STXBP4: variants seen among roughly 807,000 people sequenced by gnomAD.
STXBP4 encodes the protein syntaxin-binding protein 4.
Under a neutral mutation model 76.1 loss-of-function variants are expected in STXBP4, and 55 were observed. That is an observed-to-expected ratio of 0.72 (90% CI 0.58 to 0.91). The LOEUF (loss-of-function observed/expected upper bound fraction) is 0.91. Ranked by LOEUF, STXBP4 falls within the 40% of genes least tolerant of loss-of-function variation. The pLI is 0.00. For synonymous variants in STXBP4, 201 were observed against 220.2 expected (o/e 0.91, Z 0.77); for missense variants, 618 against 636.9 (o/e 0.97, Z 0.32).
At chr17:55,149,694 G>A (rs549279558) in intron 17 of STXBP4, among the ~76,000 whole-genome samples, 12 of 152,268 alleles carry the variant, frequency 7.9e-5, no homozygotes, top group African/African-American at 2.6e-4. Context: ...GCCACTCTCT[G>A]GCCAGTCAAA....
rs1166824089 is a variant in STXBP4, at chr17:55,165,091, C to T, written c.*5180C>T. The T allele has an allele frequency of 2.0e-5, 3 of 152,116 alleles. No homozygotes were observed. The highest frequency in any genetic ancestry group is 4.4e-5 in the Non-Finnish European group (3 of 68,018). 9.4% of individuals were successfully genotyped at this position (152,116 alleles called of 1,614,324 possible). A position where few individuals can be genotyped will look rare whatever the true frequency, so the allele number is the denominator to read the frequency against. ...CTACTGGACCATTTAATGTTCATTA[C>T]GTTAACAAAGAGTGTGATATCAGAA... On this transcript the variant is annotated 3_prime_UTR_variant, in exon 18 of 18. Transcript: ENST00000376352.
chr17:55,019,576 G>C (rs982179994), intron 8 of STXBP4, among the ~76,000 whole-genome samples: 2 of 151,974 alleles, frequency 1.3e-5, no homozygotes, highest in African/African-American at 4.8e-5. Flanking sequence ...TTATAATCTT[G>C]TAGCCAATGA....
At chr17:55,179,214 G>T in the STXBP4 span, among the ~76,000 whole-genome samples, 1 of 152,038 alleles carries the variant, frequency 6.6e-6, no homozygotes, top group Non-Finnish European at 1.5e-5. Flanking sequence ...CATGGCAAGA[G>T]TTACTACCAC....
the STXBP4 span, among the ~76,000 whole-genome samples, chr17:55,197,382 A>G: frequency 6.6e-6 from 1 of 152,138 alleles, no homozygotes; most frequent in Non-Finnish European, 1.5e-5. Flanking sequence ...CACATTGGGA[A>G]CCAAGCCACC....
In STXBP4 at chr17:55,165,244, G is replaced by T. The variant is rs888052202; in HGVS notation, c.*5333G>T. 3 of 152,206 alleles carry T rather than the reference G, an allele frequency of 2.0e-5. No homozygotes were observed. The highest frequency in any genetic ancestry group is 4.4e-5 in the Non-Finnish European group (3 of 68,036). The allele number at this position is 152,206 out of a possible 1,614,324, so 9.4% of individuals were successfully genotyped here. ...GGAAGATGAGGCTTTCTTACTCACT[G>T]TCTAGGAAATAATTCTCCTGGCTGT... On this transcript the variant is annotated 3_prime_UTR_variant, in exon 18 of 18. Coordinates refer to ENST00000376352, the MANE Select transcript of STXBP4 (RefSeq NM_178509.6).
At chr17:55,105,602 T>G (rs2079624431) in intron 16 of STXBP4, among the ~76,000 whole-genome samples, 1 of 151,690 alleles carries the variant, frequency 6.6e-6, no homozygotes, top group South Asian at 2.1e-4. Context: ...CCCAAGTAGC[T>G]GGGACGACAG....
intron 16 of STXBP4, among the ~76,000 whole-genome samples, chr17:55,094,476 T>C (rs961724178): frequency 1.3e-5 from 2 of 152,172 alleles, no homozygotes; most frequent in African/African-American, 4.8e-5. Context: ...TGGGCTCAGT[T>C]TGAAGTAACA....
intron 8 of STXBP4, among the ~76,000 whole-genome samples, chr17:55,028,516 A>G (rs574437037): frequency 1.2e-3 from 179 of 152,268 alleles, no homozygotes; most frequent in African/African-American, 3.8e-3. Flanking sequence ...TAATATGGCA[A>G]TTGTCTTCAG....
chr17:55,183,955 G>C, the STXBP4 span, among the ~76,000 whole-genome samples: 1 of 152,018 alleles, frequency 6.6e-6, no homozygotes, highest in Non-Finnish European at 1.5e-5. Context: ...ATCAGAAAAA[G>C]TTATGGACAA....
intron 8 of STXBP4, among the ~76,000 whole-genome samples, chr17:55,025,990 T>G (rs1003371708): frequency 2.0e-5 from 3 of 152,064 alleles, no homozygotes; most frequent in Non-Finnish European, 4.4e-5. Context: ...ACACTAACAA[T>G]GCACAGTGGA....
intron 4 of STXBP4, chr17:54,991,227 A>G (rs2077712531): frequency 5.2e-6 from 1 of 190,954 alleles, no homozygotes; most frequent in Non-Finnish European, 1.1e-5. Flanking sequence ...TTTATCCTGT[A>G]TCTGATTGAG....
chr17:55,136,893 ACT>A (rs1329006282), intron 16 of STXBP4, among the ~76,000 whole-genome samples: 1 of 151,988 alleles, frequency 6.6e-6, no homozygotes, highest in Non-Finnish European at 1.5e-5. Context: ...CATCCAAAAT[ACT>A]CTAAAATCAC....
At chr17:55,095,563 T>A (rs983808229) in intron 16 of STXBP4, among the ~76,000 whole-genome samples, 29 of 152,340 alleles carry the variant, frequency 1.9e-4, no homozygotes, top group African/African-American at 6.5e-4. Flanking sequence ...GATAAAATAG[T>A]TCAATTCAGA....
At chr17:55,179,315 G>A in the STXBP4 span, among the ~76,000 whole-genome samples, 7 of 150,298 alleles carry the variant, frequency 4.7e-5, no homozygotes, top group Non-Finnish European at 8.9e-5. Context: ...CTAGAGCATG[G>A]AAAAAAAAAT....
downstream of STXBP4, among the ~76,000 whole-genome samples, chr17:55,175,488 G>A (rs550619285): frequency 6.6e-6 from 1 of 152,304 alleles, no homozygotes; most frequent in African/African-American, 2.4e-5. Flanking sequence ...ACTGCACCAA[G>A]CAGAGGAGTT....
intron 13 of STXBP4, among the ~76,000 whole-genome samples, chr17:55,077,199 G>A (rs575679947): frequency 1.3e-5 from 2 of 151,990 alleles, no homozygotes; most frequent in South Asian, 2.1e-4. Flanking sequence ...AGTGATTTTT[G>A]TTTGTGTCTG....
intron 17 of STXBP4, among the ~76,000 whole-genome samples, chr17:55,147,407 G>A (rs566396496): frequency 9.2e-5 from 14 of 152,158 alleles, no homozygotes; most frequent in East Asian, 1.9e-4. Context: ...TCGCTTGCCC[G>A]GAACTCACCT....
rs3080154 is a variant in STXBP4, at chr17:55,011,508, CTTTTT to C, written c.666+3924_666+3928del. On this transcript the variant is annotated intron_variant, in intron 8 of 17. Coordinates refer to ENST00000376352, the MANE Select transcript of STXBP4 (RefSeq NM_178509.6). ...GGATCAAAGAGTTTATTTTCTTTTT[CTTTTT>C]TTTTTTTTTTTTGCAGTTGCAAGAT... Among the ~76,000 whole-genome samples, 169 of 85,924 alleles carry C rather than the reference CTTTTT, an allele frequency of 2.0e-3. 3 individuals carry two copies. Among genetic ancestry groups the C allele is most frequent in the Middle Eastern group, 0.01 (1 of 96 alleles). The allele number at this position is 85,924 out of a possible 152,430, so 56.4% of individuals were successfully genotyped here. A position where few individuals can be genotyped will look rare whatever the true frequency, so the allele number is the denominator to read the frequency against.
At chr17:54,971,265 G>C (rs2077396505) in intron 1 of STXBP4, among the ~76,000 whole-genome samples, 1 of 152,208 alleles carries the variant, frequency 6.6e-6, no homozygotes, top group Non-Finnish European at 1.5e-5. Context: ...ATTACCATAT[G>C]TAGTCAGCTT....
Sources: allele counts gnomAD v4.1 joint callset (sites outside exome capture counted in the v4.1 genomes callset), GRCh38; gene constraint gnomAD v4.1.1; transcripts MANE v1.5; gene names NCBI Gene and HGNC (gene_info 2026-07-23, HGNC 2026-07-21).